DYRK1A: variants seen among roughly 807,000 people sequenced by gnomAD.
DYRK1A encodes the protein dual specificity tyrosine-phosphorylation-regulated kinase 1A.
A neutral mutation model predicts 79.7 loss-of-function variants in DYRK1A; 9 were observed. The ratio of observed to expected loss-of-function variants is 0.11; its 90% CI spans 0.07 to 0.20. The LOEUF is 0.20. Among genes scored for constraint, DYRK1A ranks in the 10% least tolerant of loss-of-function variants. The pLI is 1.00. For missense variants in DYRK1A, 622 were observed against 956.0 expected, an observed-to-expected ratio of 0.65 and a Z score of 4.61; for synonymous variants, 349 against 329.7, an observed-to-expected ratio of 1.06 and a Z score of -0.63.
At chr21:37,372,861 T>C (rs1211244351) in intron 1 of DYRK1A, among the ~76,000 whole-genome samples, 2 of 151,744 alleles carry the variant, frequency 1.3e-5, no homozygotes, top group African/African-American at 2.4e-5. Context: ...CCATGCATTC[T>C]TTTTTTTGGC....
At chr21:37,420,917 A>G (rs1039996821) in intron 2 of DYRK1A, among the ~76,000 whole-genome samples, 78 of 151,472 alleles carry the variant, frequency 5.1e-4, no homozygotes, top group Non-Finnish European at 2.2e-4. Flanking sequence ...TCCTTTTGTC[A>G]TTTGTATTTT....
chr21:37,449,711 C>T (rs13048401), intron 2 of DYRK1A, among the ~76,000 whole-genome samples: 4 of 152,118 alleles, frequency 2.6e-5, no homozygotes, highest in South Asian at 2.1e-4. Flanking sequence ...CTAATTATTT[C>T]GTTTTTGCTT....
rs140689489 is a variant in DYRK1A, at chr21:37,400,024, T to G, written c.-76-20275T>G. 2.0e-4 allele frequency among the ~76,000 whole-genome samples: 31 copies of G among 152,256 alleles called. No homozygotes were observed. In the East Asian group the frequency reaches 6.0e-3, roughly 29 times the overall value. On this transcript the variant is annotated intron_variant, in intron 1 of 11. Transcript: ENST00000647188. ...AGTTCTGGAGGCTAGAAGTCCAAAA[T>G]CAGAATCATTGAGCCTAAACCAAGG...
At chr21:37,417,541 T>TTTTCTTTTTC (rs1569304692) in intron 1 of DYRK1A, among the ~76,000 whole-genome samples, 11 of 57,124 alleles carry the variant, frequency 1.9e-4, no homozygotes, top group African/African-American at 6.7e-4. Flanking sequence ...TTTTTTTTTT[T>TTTTCTTTTTC]TTTTTTTTTT....
chr21:37,478,193 AT>A lies in DYRK1A; in HGVS notation c.208-13del. The A allele has an allele frequency of 6.2e-7, 1 of 1,614,036 alleles. No homozygotes were observed. The highest frequency in any genetic ancestry group is 8.5e-7 in the Non-Finnish European group (1 of 1,179,994). ...CTGTCTATTTAAGGTGATGCCTGAT[AT>A]TGTCATGTTACAGAGGCGGATGCCC... On this transcript the variant is annotated splice_polypyrimidine_tract_variant and intron_variant, in intron 3 of 11. Transcript: ENST00000647188.
chr21:37,496,030 G>A (rs1055861432), intron 8 of DYRK1A, 88 bp from the exon 9 acceptor site: 3 of 1,323,918 alleles, frequency 2.3e-6, no homozygotes, highest in African/African-American at 1.5e-5. Flanking sequence ...CAGGAGGTGT[G>A]CAATTTATTT....
intron 3 of DYRK1A, 25 bp downstream of exon 3, chr21:37,472,905 G>A (rs756977244): frequency 6.9e-7 from 1 of 1,455,578 alleles, no homozygotes; most frequent in Non-Finnish European, 9.2e-7. Context: ...TATCAGAAAT[G>A]ACTATTGGAA....
chr21:37,510,497 G>GC (rs2053718148), intron 11 of DYRK1A, among the ~76,000 whole-genome samples: 1 of 152,158 alleles, frequency 6.6e-6, no homozygotes, highest in African/African-American at 2.4e-5. Context: ...ATGGCAAGTA[G>GC]CATTAGCTGT....
intron 9 of DYRK1A, chr21:37,503,619 G>A (rs1376152188): frequency 2.6e-5 from 4 of 152,206 alleles, no homozygotes; most frequent in African/African-American, 9.7e-5. Flanking sequence ...AACGGGGTCT[G>A]GCTATGTTGC....
intron 1 of DYRK1A, chr21:37,415,699 T>G (rs1485875540): frequency 1.3e-5 from 2 of 152,152 alleles, no homozygotes; most frequent in Non-Finnish European, 2.9e-5. Context: ...ACTCCTGGTC[T>G]CAAGCGATCT....
chr21:37,474,983 T>G (rs182366291), intron 3 of DYRK1A, among the ~76,000 whole-genome samples: 106 of 152,320 alleles, frequency 7.0e-4, no homozygotes, highest in African/African-American at 2.2e-3. Context: ...GAGGTAAATA[T>G]AAATAAAATG....
rs1452818066 is a variant in DYRK1A at position 37,523,168 on chromosome 21, T to G, written c.*10637T>G. ...GATCCTCCTGCCTCAGCCTCCCAAGTAGCTGGGACCACAGGCGCATGCCAC... is the reference window on the plus strand; with the variant it reads ...GATCCTCCTGCCTCAGCCTCCCAAGGAGCTGGGACCACAGGCGCATGCCAC... On this transcript the variant is annotated 3_prime_UTR_variant, in exon 12 of 12. Coordinates refer to ENST00000647188, the MANE Select transcript of DYRK1A (RefSeq NM_001347721.2). The G allele has an allele frequency of 6.6e-6, 1 of 152,464 alleles. No individual in the cohort carries two copies. Among genetic ancestry groups the G allele is most frequent in the African/African-American group, 2.4e-5 (1 of 41,442 alleles). The allele number at this position is 152,464 out of a possible 1,614,324, so 9.4% of individuals were successfully genotyped here.
chr21:37,518,595 C>CCAA lies in DYRK1A; in HGVS notation c.*6064_*6065insCAA, dbSNP rs2053904258. The CCAA allele has an allele frequency of 6.7e-6, 1 of 148,968 alleles. No individual in the cohort carries two copies. The highest frequency in any genetic ancestry group is 1.5e-5 in the Non-Finnish European group (1 of 67,716). The allele number at this position is 148,968 out of a possible 1,614,324, so 9.2% of individuals were successfully genotyped here. On this transcript the variant is annotated 3_prime_UTR_variant, in exon 12 of 12. Transcript: ENST00000647188. Reference sequence around the variant, plus strand: ...AAGAAGAGGCGTGTGGCTAATATGACGGAAGTCTGAATCCAAGGACTTTTT... The same window carrying CCAA: ...AAGAAGAGGCGTGTGGCTAATATGACCAAGGAAGTCTGAATCCAAGGACTTTTT...
intron 9 of DYRK1A, among the ~76,000 whole-genome samples, chr21:37,499,595 A>T (rs1423116912): frequency 1.3e-5 from 2 of 152,180 alleles, no homozygotes; most frequent in Non-Finnish European, 1.5e-5. Context: ...AAAATCTCTC[A>T]GCAGTGTTTT....
intron 1 of DYRK1A, among the ~76,000 whole-genome samples, chr21:37,370,499 A>G (rs960247586): frequency 6.6e-6 from 1 of 152,110 alleles, no homozygotes; most frequent in Non-Finnish European, 1.5e-5. Flanking sequence ...CTTTCTTGGT[A>G]TTTGTGATTA....
rs936819392 is a variant in DYRK1A at position 37,525,253 on chromosome 21, AAG to A, written c.*12725_*12726del. The A allele has an allele frequency of 2.0e-4, 31 of 152,432 alleles. No individual in the cohort carries two copies. The highest frequency in any genetic ancestry group is 6.7e-4 in the African/African-American group (28 of 41,572). 9.4% of individuals were successfully genotyped at this position (152,432 alleles called of 1,614,324 possible). The stretch of plus-strand genomic sequence containing the variant: ...TGAGACTGGGTAATTTATAAAGAAA[AAG>A]AGGTTTAATGGACTCACAGTCCCGC... On this transcript the variant is annotated 3_prime_UTR_variant, in exon 12 of 12. Coordinates refer to ENST00000647188, the MANE Select transcript of DYRK1A (RefSeq NM_001347721.2).
intron 2 of DYRK1A, among the ~76,000 whole-genome samples, chr21:37,453,598 A>G (rs1389239273): frequency 6.6e-6 from 1 of 152,196 alleles, no homozygotes; most frequent in Non-Finnish European, 1.5e-5. Flanking sequence ...AGCCAGGTAG[A>G]TGGGAGGAGA....
At chr21:37,430,272 C>A (rs2050741283) in intron 2 of DYRK1A, 1 of 959,456 alleles carries the variant, frequency 1.0e-6, no homozygotes, top group Admixed American at 6.2e-5. Flanking sequence ...GTCTTAGAAT[C>A]TTCTGAATAT....
chr21:37,446,560 T>C (rs1330089907), intron 2 of DYRK1A, among the ~76,000 whole-genome samples: 3 of 151,838 alleles, frequency 2.0e-5, no homozygotes, highest in South Asian at 2.1e-4. Flanking sequence ...GAATCTACAA[T>C]GTATAGGCAG....
Sources: gnomAD v4.1 joint callset for allele counts (sites outside exome capture counted in the v4.1 genomes callset) on GRCh38, gnomAD v4.1.1 for gene constraint, MANE v1.5 for transcripts, NCBI Gene and HGNC (gene_info 2026-07-23, HGNC 2026-07-21) for gene names.